The following TCF4 variants were observed in gnomAD, a reference collection of about 807,000 sequenced individuals.
TCF4 encodes the protein SL3-3 enhancer factor 2.
A neutral mutation model predicts 82.1 loss-of-function variants in TCF4; 3 were observed. The observed-to-expected ratio is 0.04, with a 90% CI of 0.02 to 0.09. TCF4 has a LOEUF of 0.09. TCF4 is among the 10% of genes least tolerant of loss of function. TCF4 has a pLI of 1.00. For synonymous variants in TCF4, 276 were observed against 309.6 expected, an observed-to-expected ratio of 0.89 and a Z score of 1.14; for missense variants, 518 against 852.7, an observed-to-expected ratio of 0.61 and a Z score of 4.89.
At chr18:55,522,661 A>C (rs1366181835) in intron 3 of TCF4, among the ~76,000 whole-genome samples, 2 of 152,168 alleles carry the variant, frequency 1.3e-5, no homozygotes, top group Non-Finnish European at 2.9e-5. Flanking sequence ...CTCTTACAAT[A>C]ATACATGGAA....
Position 55,254,584 on chromosome 18 carries a change from G to A in TCF4, c.1263C>T (p.Ile421=), listed in dbSNP as rs1251245326. The change falls in exon 15 of 20, where the codon ATC becomes ATT. Residue 421 remains isoleucine (I), a synonymous_variant. Transcript: ENST00000354452. ...TGGCTCCATTATGAGAAGGTCCAAT[G>A]ATTCCATGCATGTCCCCATGACCAC... ...MPGGHGDMHG[I]IGPSHNGAMG... is the part of the protein sequence containing the mutation. 8.1e-6 allele frequency: 13 copies of A among 1,613,634 alleles called. No individual in the cohort carries two copies. Among genetic ancestry groups the A allele is most frequent in the African/African-American group, 2.7e-5 (2 of 74,906 alleles).
At chr18:55,327,626 A>C (rs2076791278) in intron 8 of TCF4, among the ~76,000 whole-genome samples, 1 of 152,122 alleles carries the variant, frequency 6.6e-6, no homozygotes, top group Admixed American at 6.5e-5. Flanking sequence ...GACTGGTCAG[A>C]TAGCTTGTAT....
intron 8 of TCF4, among the ~76,000 whole-genome samples, chr18:55,291,788 T>A (rs2065153814): frequency 6.6e-6 from 1 of 152,202 alleles, no homozygotes; most frequent in Non-Finnish European, 1.5e-5. Context: ...GCAGAGCTTT[T>A]AGCTAGCACA....
chr18:55,624,574 A>G (rs2097724634), intron 2 of TCF4, among the ~76,000 whole-genome samples: 1 of 118,726 alleles, frequency 8.4e-6, no homozygotes, highest in African/African-American at 2.5e-5. Flanking sequence ...AAAGACCCAG[A>G]TTAAAAAAAA....
chr18:55,256,882 A>T (rs1319979343), intron 14 of TCF4, among the ~76,000 whole-genome samples: 4 of 152,182 alleles, frequency 2.6e-5, no homozygotes, highest in Admixed American at 6.6e-5. Context: ...ACCACGAAGG[A>T]TACCACTGGG....
Position 55,222,424 on chromosome 18 carries a change from CA to C in TCF4, c.*5610del, listed in dbSNP as rs1475748792. ...TAGAAGGTAAAAGGGGGTTATCAAC[CA>C]AAATCTTTGGAAATTTCATAAAATT... is the stretch of plus-strand genomic sequence containing the variant. On this transcript the variant is annotated 3_prime_UTR_variant, in exon 20 of 20. Coordinates refer to ENST00000354452, the MANE Select transcript of TCF4 (RefSeq NM_001083962.2). 6.6e-6 allele frequency: 1 copy of C among 150,996 alleles called. No individual in the cohort carries two copies. The highest frequency in any genetic ancestry group is 1.5e-5 in the Non-Finnish European group (1 of 67,756). 9.4% of individuals were successfully genotyped at this position (150,996 alleles called of 1,614,324 possible). A position where few individuals can be genotyped will look rare whatever the true frequency, so the allele number is the denominator to read the frequency against.
At chr18:55,322,097 T>C (rs2075673830) in intron 8 of TCF4, 1 of 1,063,472 alleles carries the variant, frequency 9.4e-7, no homozygotes, top group Non-Finnish European at 1.1e-6. Flanking sequence ...CTTTTCTTTT[T>C]TTTTTTCCTT....
intron 8 of TCF4, among the ~76,000 whole-genome samples, chr18:55,317,530 T>C (rs918265487): frequency 2.6e-5 from 4 of 151,958 alleles, no homozygotes; most frequent in Non-Finnish European, 5.9e-5. Flanking sequence ...ACTGTGAGGT[T>C]TGGGGGGAAA....
At chr18:55,428,877 A>G (rs2095084847) in intron 5 of TCF4, among the ~76,000 whole-genome samples, 2 of 152,164 alleles carry the variant, frequency 1.3e-5, no homozygotes, top group African/African-American at 4.8e-5. Flanking sequence ...CTTACTGGAG[A>G]GAGATTTTGG....
chr18:55,231,435 A>G (rs557628263), intron 17 of TCF4: 1 of 152,378 alleles, frequency 6.6e-6, no homozygotes, highest in South Asian at 2.1e-4. Flanking sequence ...TACATAAGTA[A>G]ATGTCATAAG....
chr18:55,514,142 T>G (rs532054324), intron 3 of TCF4, among the ~76,000 whole-genome samples: 3 of 152,134 alleles, frequency 2.0e-5, no homozygotes, highest in Admixed American at 1.3e-4. Flanking sequence ...CTATCTTCCA[T>G]CTCTTCTCAG....
At chr18:55,246,232 CGTGTGTGT>C (rs34773632) in intron 15 of TCF4, among the ~76,000 whole-genome samples, 14 of 147,754 alleles carry the variant, frequency 9.5e-5, no homozygotes, top group South Asian at 2.2e-4. Flanking sequence ...TTTAAATACA[CGTGTGTGT>C]GTGTGTGTGT....
chr18:55,607,739 T>C (rs2097703433), intron 2 of TCF4, among the ~76,000 whole-genome samples: 1 of 152,200 alleles, frequency 6.6e-6, no homozygotes, highest in Admixed American at 6.5e-5. Flanking sequence ...ATGCTATCAT[T>C]CCGTCAATAA....
At chr18:55,353,937 T>C (rs1314159980) in intron 6 of TCF4, among the ~76,000 whole-genome samples, 2 of 152,214 alleles carry the variant, frequency 1.3e-5, no homozygotes, top group Non-Finnish European at 2.9e-5. Context: ...AATAGGATTA[T>C]AATGGTTTTA....
At chr18:55,476,642 A>AT (rs906391715) in intron 3 of TCF4, among the ~76,000 whole-genome samples, 1 of 151,876 alleles carries the variant, frequency 6.6e-6, no homozygotes, top group Non-Finnish European at 1.5e-5. Flanking sequence ...CACCCAGTGA[A>AT]TTTTTTGTAG....
chr18:55,456,018 G>A lies in TCF4; in HGVS notation c.304+5001C>T, dbSNP rs1199326739. Among the ~76,000 whole-genome samples the A allele has an allele frequency of 3.3e-5, 5 of 152,214 alleles. No individual in the cohort carries two copies. In the South Asian group the frequency reaches 1.0e-3, roughly 32 times the overall value. On this transcript the variant is annotated intron_variant, in intron 5 of 19. Transcript: ENST00000354452. ...CTGTGGCACCTGCTTCTGCCACTGGGATTTGAAAACACTCACAACACTTCA... is the reference window on the plus strand; with the variant it reads ...CTGTGGCACCTGCTTCTGCCACTGGAATTTGAAAACACTCACAACACTTCA...
At chr18:55,479,250 C>T (rs1289808082) in intron 3 of TCF4, 2 of 152,842 alleles carry the variant, frequency 1.3e-5, no homozygotes, top group Non-Finnish European at 2.9e-5. Context: ...CCAATGAAGA[C>T]ATGAAGACCC....
chr18:55,444,714 T>C (rs1000209671), intron 5 of TCF4, among the ~76,000 whole-genome samples: 6 of 152,196 alleles, frequency 3.9e-5, no homozygotes, highest in Admixed American at 3.3e-4. Flanking sequence ...AACTATGAAA[T>C]ATTAATATTG....
At chr18:55,585,713 A>T in intron 2 of TCF4, 1 of 1,088,788 alleles carries the variant, frequency 9.2e-7, no homozygotes, top group Non-Finnish European at 1.1e-6. Flanking sequence ...GTTTTGTTTT[A>T]TATTGAAAAC....
Sources: gnomAD v4.1 joint callset for allele counts (sites outside exome capture counted in the v4.1 genomes callset) on GRCh38, gnomAD v4.1.1 for gene constraint, MANE v1.5 for transcripts, NCBI Gene and HGNC (gene_info 2026-07-23, HGNC 2026-07-21) for gene names.